Variants in NUP107 observed in about 807,000 individuals in gnomAD.
The protein encoded by NUP107 is nuclear pore complex protein Nup107.
In NUP107, 101 loss-of-function variants were observed where a neutral mutation model predicts 141.0. That is an observed-to-expected ratio of 0.72 (90% CI 0.61 to 0.84). The LOEUF is 0.84. NUP107 is among the 40% of genes least tolerant of loss of function. The pLI is 0.00. For missense variants in NUP107, 941 were observed against 1,102.7 expected, an observed-to-expected ratio of 0.85 and a Z score of 2.08; for synonymous variants, 319 against 363.9, an observed-to-expected ratio of 0.88 and a Z score of 1.41.
intron 8 of NUP107, 135 bp from the exon 9 acceptor site, chr12:68,709,103 A>AT (rs1565692377): frequency 1.7e-5 from 10 of 586,428 alleles, no homozygotes; most frequent in Non-Finnish European, 2.9e-5. Flanking sequence ...CAGATTTACT[A>AT]TGTGGTAAAA....
intron 17 of NUP107, among the ~76,000 whole-genome samples, chr12:68,724,798 CA>C (rs904348324): frequency 6.6e-6 from 1 of 150,978 alleles, no homozygotes; most frequent in Non-Finnish European, 1.5e-5. Context: ...AACAAACAAA[CA>C]AAAAAAACCA....
rs864321687 is a variant in NUP107, at chr12:68,715,733, CAGAAG to C, written c.1079_1083del (p.Glu360GlyfsTer6). 1.0e-5 allele frequency: 16 copies of C among 1,577,214 alleles called. No homozygotes were observed. The East Asian group carries it at 3.6e-4, about 35-fold the overall frequency. ...TTTACTCTAATCCGTGCTGGAATGA[CAGAAG>C]AGGTCAGTCATGTATACCCTTCTTG... On this transcript the variant is annotated frameshift_variant and splice_region_variant, in exon 12 of 28. Coordinates refer to ENST00000229179, the MANE Select transcript of NUP107 (RefSeq NM_020401.4). LOFTEE classifies it high-confidence loss of function.
chr12:68,721,085 A>G, intron 14 of NUP107, 33 bp from the exon 15 acceptor site: 1 of 1,393,484 alleles, frequency 7.2e-7, no homozygotes, highest in Non-Finnish European at 1.0e-6. Flanking sequence ...GAAAAACAAT[A>G]TTTCAAATTT....
At chr12:68,697,167 C>G (rs999161580) in intron 6 of NUP107, among the ~76,000 whole-genome samples, 2 of 152,146 alleles carry the variant, frequency 1.3e-5, no homozygotes, top group Non-Finnish European at 2.9e-5. Flanking sequence ...ATGGCTCACA[C>G]CTGTAATCCC....
intron 17 of NUP107, among the ~76,000 whole-genome samples, chr12:68,723,019 G>T (rs1190633815): frequency 6.6e-6 from 1 of 152,138 alleles, no homozygotes; most frequent in Admixed American, 6.6e-5. Flanking sequence ...CATACATACA[G>T]TGTTTCTGAA....
chr12:68,726,647 C>T, intron 19 of NUP107, 30 bp downstream of exon 19: 1 of 1,344,982 alleles, frequency 7.4e-7, no homozygotes, highest in Non-Finnish European at 1.1e-6. Flanking sequence ...TTCTTCTTCT[C>T]TGTAATGTTG....
chr12:68,688,812 G>A (rs1038424693), intron 1 of NUP107, 150 bp from the exon 2 acceptor site: 35 of 500,766 alleles, frequency 7.0e-5, no homozygotes, highest in Non-Finnish European at 1.1e-4. Flanking sequence ...GGAGCCAGGA[G>A]TGCGTTCTCA....
chr12:68,690,443 A>G, intron 3 of NUP107, 188 bp from the exon 4 acceptor site: 1 of 727,138 alleles, frequency 1.4e-6, no homozygotes, highest in Non-Finnish European at 2.2e-6. Flanking sequence ...TAGTACCTAC[A>G]GCTCAAATTT....
intron 15 of NUP107, 127 bp downstream of exon 15, chr12:68,721,304 G>A: frequency 3.7e-6 from 2 of 547,268 alleles, no homozygotes; most frequent in Admixed American, 3.4e-5. Context: ...CTTAAGTGTA[G>A]CAATGATAGA....
At chr12:68,740,055 A>C (rs1878259800) in intron 26 of NUP107, 1 of 152,208 alleles carries the variant, frequency 6.6e-6, no homozygotes, top group South Asian at 2.1e-4. Flanking sequence ...GGAATTCATT[A>C]TAATTAGCAG....
chr12:68,699,754 G>A (rs1876237115), intron 6 of NUP107, among the ~76,000 whole-genome samples: 1 of 152,144 alleles, frequency 6.6e-6, no homozygotes, highest in Admixed American at 6.5e-5. Flanking sequence ...AAGATAATGA[G>A]GTACTGTTAG....
intron 26 of NUP107, among the ~76,000 whole-genome samples, chr12:68,741,082 A>G (rs758824262): frequency 3.9e-5 from 6 of 152,018 alleles, no homozygotes; most frequent in Non-Finnish European, 7.4e-5. Flanking sequence ...AAAAGAAAAA[A>G]AAAAGAAATT....
chr12:68,688,274 T>G (rs1263105651), intron 1 of NUP107, among the ~76,000 whole-genome samples: 2 of 152,214 alleles, frequency 1.3e-5, no homozygotes, highest in African/African-American at 4.8e-5. Flanking sequence ...TGAAGGAATA[T>G]CTGAAGGTTT....
At position 68,719,410 on chromosome 12, in the gene NUP107, C is replaced by G. The variant is rs1565697123; in HGVS notation, c.1153C>G (p.His385Asp). 6.2e-7 allele frequency: 1 copy of G among 1,613,948 alleles called. No individual in the cohort carries two copies. The highest frequency in any genetic ancestry group is 1.1e-5 in the South Asian group (1 of 91,044). The change falls in exon 13 of 28, where the codon CAT becomes GAT. Residue 385 changes from histidine (H) to aspartate (D), a missense_variant. By Grantham distance (81) the His-to-Asp change is moderately conservative. Coordinates refer to ENST00000229179, the MANE Select transcript of NUP107 (RefSeq NM_020401.4). ...AATLEGWKLY[H>D]DPNVNGGTEL... ...AACACTTGAAGGCTGGAAACTGTAC[C>G]ATGACCCTAATGTTAATGGAGGTAT...
At chr12:68,696,671 C>T in intron 5 of NUP107, 148 bp from the exon 6 acceptor site, 1 of 509,914 alleles carries the variant, frequency 2.0e-6, no homozygotes, top group Non-Finnish European at 3.5e-6. Flanking sequence ...TGAGACCGTG[C>T]CATTGCACTC....
rs2136043944 is a variant in NUP107, at chr12:68,731,159, A to G, written c.1784A>G (p.His595Arg). ...AATCTTATAGCATTTTATACCTGTC[A>G]TTTGCCTCAAGACCTAGCTGTTGCC... Reference protein sequence around the residue: ...HTNLIAFYTCHLPQDLAVAQY... With the variant: ...HTNLIAFYTCRLPQDLAVAQY... Residue 595 changes from histidine to arginine, a missense_variant, in exon 21 of 28, where the codon CAT (histidine) becomes CGT (arginine). Transcript: ENST00000229179. The G allele has an allele frequency of 6.2e-7, 1 of 1,610,808 alleles. No homozygotes were observed. The highest frequency in any genetic ancestry group is 8.5e-7 in the Non-Finnish European group (1 of 1,178,420).
chr12:68,733,815 G>T (rs1215087200), intron 24 of NUP107, among the ~76,000 whole-genome samples: 2 of 152,132 alleles, frequency 1.3e-5, no homozygotes, highest in South Asian at 2.1e-4. Flanking sequence ...AACCAACCAA[G>T]ATCATCTCAC....
In NUP107 at chr12:68,733,619, C is replaced by A. The variant is rs755487081; in HGVS notation, c.2262+7C>A. ...GTGCATCAGAGCTTATTTGGTGAGA[C>A]TGTAAAGAAAGCCACAGATGTGCCT... On this transcript the variant is annotated splice_region_variant and intron_variant, in intron 24 of 27. Coordinates refer to ENST00000229179, the MANE Select transcript of NUP107 (RefSeq NM_020401.4). The A allele has an allele frequency of 6.9e-6, 11 of 1,599,704 alleles. No homozygotes were observed. The highest frequency in any genetic ancestry group is 7.7e-6 in the Non-Finnish European group (9 of 1,173,546).
chr12:68,721,285 A>G lies in NUP107; in HGVS notation c.1311+108A>G, dbSNP rs1281272382. The G allele has an allele frequency of 2.4e-5, 16 of 658,562 alleles. No homozygotes were observed. The East Asian group carries it at 4.1e-4, about 17-fold the overall frequency. The allele number at this position is 658,562 out of a possible 1,614,324, so 40.8% of individuals were successfully genotyped here. ...TAAACTTAAGTTTGTATACTTAAGT[A>G]TATACATACTTAAGTGTAGCAATGA... On this transcript the variant is annotated intron_variant, in intron 15 of 27. Coordinates refer to ENST00000229179, the MANE Select transcript of NUP107 (RefSeq NM_020401.4).
Sources: gnomAD v4.1 joint callset for allele counts (sites outside exome capture counted in the v4.1 genomes callset) on GRCh38, gnomAD v4.1.1 for gene constraint, MANE v1.5 for transcripts, NCBI Gene and HGNC (gene_info 2026-07-23, HGNC 2026-07-21) for gene names.